Variants in IGSF9 observed in about 807,000 individuals in gnomAD.
IGSF9 encodes protein turtle homolog A.
Under a neutral mutation model 121.7 loss-of-function variants are expected in IGSF9, and 87 were observed. That is an observed-to-expected ratio of 0.71 (90% CI 0.60 to 0.85). The LOEUF is 0.85. IGSF9 is among the 40% of genes least tolerant of loss of function. The probability of loss-of-function intolerance (pLI) is 0.00; values close to 1 mark genes in which losing one functional copy is unlikely to be tolerated. For synonymous variants in IGSF9, 640 were observed against 648.4 expected, an observed-to-expected ratio of 0.99 and a Z score of 0.20; for missense variants, 1,462 against 1,565.3, an observed-to-expected ratio of 0.93 and a Z score of 1.11.
chr1:159,943,042 C>T lies in IGSF9; in HGVS notation c.168G>A (p.Glu56=), dbSNP rs766044546. 1.2e-6 allele frequency: 2 copies of T among 1,613,352 alleles called. No individual in the cohort carries two copies. The highest frequency in any genetic ancestry group is 1.7e-6 in the Non-Finnish European group (2 of 1,179,666). The change falls in exon 3 of 21, where the codon GAG becomes GAA. Residue 56 remains glutamate (E), a synonymous_variant. Transcript: ENST00000368094. ...GAAGCAGGAATCCAAAGCGCAGCCA[C>T]TCGATGACATGCAGGGGGGGCCGGC... is the stretch of plus-strand genomic sequence containing the variant. ...PAGRPPLHVI[E]WLRFGFLLPI...
Position 159,936,904 on chromosome 1 carries a change from G to A in IGSF9, c.405C>T (p.Pro135=), listed in dbSNP as rs772298000. 3.1e-6 allele frequency: 5 copies of A among 1,613,992 alleles called. No individual in the cohort carries two copies. Among genetic ancestry groups the A allele is most frequent in the Non-Finnish European group, 4.2e-6 (5 of 1,179,964 alleles). Residue 135 remains proline, a synonymous_variant, in exon 5 of 21, where the codon CCC becomes CCT. Transcript: ENST00000368094. ...CAGGAGGTGTCTCCTGGAATTGAGG[G>A]GGTGCTGCAAGGGAGACAGGCATCA... is the stretch of plus-strand genomic sequence containing the variant. ...GSWVHLTVNS[P]PQFQETPPAV... is the part of the protein sequence containing the mutation.
intron 17 of IGSF9, 106 bp downstream of exon 17, chr1:159,929,532 A>G: frequency 6.8e-7 from 1 of 1,468,958 alleles, no homozygotes; most frequent in Non-Finnish European, 9.2e-7. Context: ...GACTAAGAGA[A>G]TGCACCTGGA....
intron 4 of IGSF9, 34 bp downstream of exon 4, chr1:159,937,652 G>A (rs374993495): frequency 1.5e-4 from 233 of 1,597,514 alleles, no homozygotes; most frequent in Middle Eastern, 3.3e-4. Context: ...CCTCCTCCCC[G>A]TCCTTCTCCA....
At position 159,929,969 on chromosome 1, in the gene IGSF9, G is replaced by A; in HGVS notation, c.2071C>T (p.Leu691Phe). 1 of 1,590,288 alleles carries A rather than the reference G, an allele frequency of 6.3e-7. No individual in the cohort carries two copies. The highest frequency in any genetic ancestry group is 2.3e-5 in the East Asian group (1 of 43,548). Residue 691 changes from leucine (L) to phenylalanine (F), a missense_variant, in exon 16 of 21, where the codon CTC becomes TTC. Transcript: ENST00000368094. ...LLVPGLIKDV[L>F]YEFRLVAFAG... Reference sequence around the variant, plus strand: ...AAGGCCACGAGGCGGAACTCGTAGAGAACATCCTGCGATGGGGATGGGGTA... The same window carrying A: ...AAGGCCACGAGGCGGAACTCGTAGAAAACATCCTGCGATGGGGATGGGGTA...
At chr1:159,945,298 A>G (rs1651545053) in intron 1 of IGSF9, among the ~76,000 whole-genome samples, 1 of 149,608 alleles carries the variant, frequency 6.7e-6, no homozygotes, top group Non-Finnish European at 1.5e-5. Flanking sequence ...ACCCCCAACA[A>G]TTCCTTTCTC....
At position 159,927,463 on chromosome 1, in the gene IGSF9, C is replaced by T. The variant is rs765308809; in HGVS notation, c.3422G>A (p.Arg1141His). 42 of 1,614,114 alleles carry T rather than the reference C, an allele frequency of 2.6e-5. No homozygotes were observed. Among genetic ancestry groups the T allele is most frequent in the Middle Eastern group, 3.3e-4 (2 of 6,060 alleles). The change falls in exon 21 of 21, where the codon CGC becomes CAC. Residue 1141 changes from arginine to histidine, a missense_variant. By Grantham distance (29) the Arg-to-His change is conservative (BLOSUM62 0). This residue lies in a region of IGSF9 where 808 missense variants were observed against 815.2 expected (regional missense o/e 0.99). Coordinates refer to ENST00000368094, the MANE Select transcript of IGSF9 (RefSeq NM_001135050.2). ...NTAHVTGPEA[R>H]CAALREEFLA... The stretch of plus-strand genomic sequence containing the variant: ...GAATTCCTCCCGAAGGGCAGCACAG[C>T]GGGCCTCAGGGCCAGTAACATGGGC...
chr1:159,936,367 C>A, intron 6 of IGSF9, 32 bp downstream of exon 6: 1 of 1,586,592 alleles, frequency 6.3e-7, no homozygotes, highest in Non-Finnish European at 8.7e-7. Flanking sequence ...GCATAGGTAA[C>A]CCTGGACCCC....
intron 14 of IGSF9, 22 bp from the exon 15 acceptor site, chr1:159,930,461 G>T (rs1383035562): frequency 1.3e-6 from 2 of 1,522,484 alleles, no homozygotes; most frequent in Admixed American, 2.2e-5. Context: ...AGAAAGGCAG[G>T]TCAGAGCAAG....
chr1:159,936,282 C>T (rs567238963), intron 6 of IGSF9, 117 bp downstream of exon 6: 11 of 887,370 alleles, frequency 1.2e-5, no homozygotes, highest in Middle Eastern at 2.2e-4. Context: ...TTAGCTTCCA[C>T]GGGCCCTGCC....
intron 3 of IGSF9, among the ~76,000 whole-genome samples, chr1:159,942,200 C>T (rs373230951): frequency 5.9e-5 from 9 of 152,332 alleles, no homozygotes; most frequent in African/African-American, 1.2e-4. Flanking sequence ...AGGCTCCATC[C>T]GGGATTAGGA....
In IGSF9 at chr1:159,936,911, G is replaced by A; in HGVS notation, c.401-3C>T. 2 of 1,614,012 alleles carry A rather than the reference G, an allele frequency of 1.2e-6. No individual in the cohort carries two copies. The highest frequency in any genetic ancestry group is 2.2e-5 in the East Asian group (1 of 44,886). ...TGTCTCCTGGAATTGAGGGGGTGCT[G>A]CAAGGGAGACAGGCATCAGGGGCCC... On this transcript the variant is annotated splice_polypyrimidine_tract_variant and splice_region_variant and intron_variant, in intron 4 of 20. Transcript: ENST00000368094.
intron 6 of IGSF9, among the ~76,000 whole-genome samples, chr1:159,935,218 CCT>C (rs903362229): frequency 1.3e-5 from 2 of 152,108 alleles, no homozygotes; most frequent in Non-Finnish European, 2.9e-5. Context: ...TGCAGCAGCC[CCT>C]GACTCCAGGC....
chr1:159,937,016 AGCCCT>A, intron 4 of IGSF9, 108 bp from the exon 5 acceptor site: 1 of 1,130,808 alleles, frequency 8.8e-7, no homozygotes, highest in Non-Finnish European at 1.3e-6. Flanking sequence ...CCCACCCACC[AGCCCT>A]GCCTCATAGG....
At position 159,929,737 on chromosome 1, in the gene IGSF9, C is replaced by T. The variant is rs1301478419; in HGVS notation, c.2227G>A (p.Val743Ile). 2 of 1,602,408 alleles carry T rather than the reference C, an allele frequency of 1.2e-6. No individual in the cohort carries two copies. Among genetic ancestry groups the T allele is most frequent in the Admixed American group, 1.7e-5 (1 of 58,420 alleles). The change falls in exon 17 of 21, where the codon GTC becomes ATC. Residue 743 changes from valine (V) to isoleucine (I), a missense_variant. Transcript: ENST00000368094. Reference sequence around the variant, plus strand: ...AGGACGGCCACTCCCAGAAAGCAGACTCCGCCCACCACGCCGGCCAGCACG... The same window carrying T: ...AGGACGGCCACTCCCAGAAAGCAGATTCCGCCCACCACGCCGGCCAGCACG... ...QPVLAGVVGG[V>I]CFLGVAVLVS... is the part of the protein sequence containing the mutation.
Position 159,927,097 on chromosome 1 carries a change from C to CACACACACAGAGAGAG in IGSF9, c.*247_*248insCTCTCTCTGTGTGTGT. 1 of 370,040 alleles carries CACACACACAGAGAGAG rather than the reference C, an allele frequency of 2.7e-6. No homozygotes were observed. The highest frequency in any genetic ancestry group is 3.8e-5 in the South Asian group (1 of 26,206). 22.9% of individuals were successfully genotyped at this position (370,040 alleles called of 1,614,324 possible). ...AACTTCACACACACACACACACACA[C>CACACACACAGAGAGAG]AGAGAGAGAGAGAGAGAGAGAGAGA... On this transcript the variant is annotated 3_prime_UTR_variant, in exon 21 of 21. Transcript: ENST00000368094.
chr1:159,927,626 A>AT (rs2101872445), intron 20 of IGSF9, 100 bp from the exon 21 acceptor site: 2 of 1,538,580 alleles, frequency 1.3e-6, no homozygotes, highest in East Asian at 4.5e-5. Flanking sequence ...CAGATGGCCC[A>AT]AGGGGGCAAG....
In IGSF9 at chr1:159,931,292, C is replaced by CA. The variant is rs777675253; in HGVS notation, c.1514-32dup. 2 of 1,613,608 alleles carry CA rather than the reference C, an allele frequency of 1.2e-6. No individual in the cohort carries two copies. Among genetic ancestry groups the CA allele is most frequent in the African/African-American group, 2.7e-5 (2 of 74,886 alleles). On this transcript the variant is annotated intron_variant, in intron 12 of 20. Transcript: ENST00000368094. The surrounding 1 kb of genome is among the most constrained non-coding windows in gnomAD (Gnocchi z 4.8). The stretch of plus-strand genomic sequence containing the variant: ...CAGGGGGGAATGGAGGGATGGTGGT[C>CA]AGGGCCTGAGGGAGTGTACAGAGTA...
Position 159,927,749 on chromosome 1 carries a change from G to T in IGSF9, c.3358+11C>A. On this transcript the variant is annotated intron_variant, in intron 20 of 20. Coordinates refer to ENST00000368094, the MANE Select transcript of IGSF9 (RefSeq NM_001135050.2). ...GGCCGAGATGCCTGCCTTTCCGGGG[G>T]GCTCACACACCTAGCTCTGGCTCAG... The T allele has an allele frequency of 1.2e-6, 2 of 1,610,450 alleles. No individual in the cohort carries two copies. The highest frequency in any genetic ancestry group is 1.1e-5 in the South Asian group (1 of 90,408).
Position 159,931,256 on chromosome 1 carries a change from T to C in IGSF9, c.1519A>G (p.Ser507Gly), listed in dbSNP as rs759480146. 2 of 1,613,904 alleles carry C rather than the reference T, an allele frequency of 1.2e-6. No individual in the cohort carries two copies. The highest frequency in any genetic ancestry group is 2.7e-5 in the African/African-American group (2 of 74,872). Reference sequence around the variant, plus strand: ...GACACATTGGTGACAACATGAGGGCTAGTGCCTAGGCAGGGGGGAATGGAG... The same window carrying C: ...GACACATTGGTGACAACATGAGGGCCAGTGCCTAGGCAGGGGGGAATGGAG... ...TSTNVYVLGT[S>G]PHVVTNVSVV... The change falls in exon 13 of 21, where the codon AGC (serine) becomes GGC (glycine). Residue 507 changes from serine (S) to glycine (G), a missense_variant. Coordinates refer to ENST00000368094, the MANE Select transcript of IGSF9 (RefSeq NM_001135050.2). This position sits in a 1 kb window ranked among gnomAD's most constrained non-coding sequence, Gnocchi z 4.8.
Sources: allele counts gnomAD v4.1 joint callset (sites outside exome capture counted in the v4.1 genomes callset), GRCh38; gene constraint gnomAD v4.1.1; regional missense constraint gnomAD v4.1.1; non-coding constraint Gnocchi (gnomAD v3.1); transcripts MANE v1.5; gene names NCBI Gene and HGNC (gene_info 2026-07-23, HGNC 2026-07-21).